Variants in NLRP5 observed in about 807,000 individuals in gnomAD.
NLRP5 encodes the protein NLR family pyrin domain containing 5, also known as NACHT, LRR and PYD domains-containing protein 5.
Under a neutral mutation model 113.1 loss-of-function variants are expected in NLRP5, and 93 were observed. The ratio of observed to expected loss-of-function variants is 0.82; its 90% CI spans 0.70 to 0.98. NLRP5 has a LOEUF of 0.98. Among genes scored for constraint, NLRP5 ranks in the 50% least tolerant of loss-of-function variants. The pLI is 0.00. For missense variants in NLRP5, 1,808 were observed against 1,514.3 expected (o/e 1.19, Z -3.22); for synonymous variants, 751 against 600.7 (o/e 1.25, Z -3.66).
chr19:56,032,922 C>A, intron 8 of NLRP5, 141 bp downstream of exon 8: 1 of 810,198 alleles, frequency 1.2e-6, no homozygotes, highest in Non-Finnish European at 1.9e-6. Context: ...GAACCAAGTT[C>A]CCAAAAGCAC....
chr19:56,012,081 C>T (rs1026486821), intron 3 of NLRP5, among the ~76,000 whole-genome samples: 1 of 152,108 alleles, frequency 6.6e-6, no homozygotes, highest in African/African-American at 2.4e-5. Context: ...TATTATGATG[C>T]TCAAGACATA....
intron 11 of NLRP5, 38 bp from the exon 12 acceptor site, chr19:56,050,380 A>G: frequency 1.4e-5 from 23 of 1,596,158 alleles, no homozygotes; most frequent in Non-Finnish European, 2.0e-5. Context: ...CTGGGGAATG[A>G]GCATCACGAT....
At chr19:56,011,158 A>AAC (rs372922763) in intron 3 of NLRP5, among the ~76,000 whole-genome samples, 1 of 145,124 alleles carries the variant, frequency 6.9e-6, no homozygotes, top group Admixed American at 6.9e-5. Context: ...GTCTTTAAAA[A>AAC]ATATATATAC....
chr19:56,027,562 G>T lies in NLRP5; in HGVS notation c.1329G>T (p.Glu443Asp). ...AACAAAGAATCCACTTGCTCCTTGA[G>T]CGCGGGATTGGTGAGCATCAGAAGA... is the stretch of plus-strand genomic sequence containing the variant. The change falls in exon 7 of 15, where the codon GAG becomes GAT. Residue 443 changes from glutamate (E) to aspartate (D), a missense_variant. Glu to Asp is a conservative substitution (Grantham distance 45). Transcript: ENST00000390649. 6.2e-7 allele frequency: 1 copy of T among 1,614,008 alleles called. No individual in the cohort carries two copies. The highest frequency in any genetic ancestry group is 8.5e-7 in the Non-Finnish European group (1 of 1,179,898).
chr19:56,026,730 C>T (rs1422982823), intron 6 of NLRP5, among the ~76,000 whole-genome samples, 183 bp from the exon 7 acceptor site: 1 of 151,698 alleles, frequency 6.6e-6, no homozygotes, highest in East Asian at 2.0e-4. Context: ...CAGGTGCCAA[C>T]TACCATGACT....
intron 9 of NLRP5, among the ~76,000 whole-genome samples, chr19:56,035,565 T>TTG (rs926651013): frequency 2.4e-4 from 37 of 152,324 alleles, no homozygotes; most frequent in African/African-American, 8.4e-4. Context: ...TGGAGGCTAT[T>TTG]TGGGGCCAAG....
chr19:56,057,084 C>T (rs188073932), intron 13 of NLRP5, among the ~76,000 whole-genome samples: 4,983 of 152,250 alleles, frequency 0.033, 103 homozygotes, highest in African/African-American at 0.054. Flanking sequence ...CGCAGTGAGT[C>T]GAGCTCGTGC....
intron 3 of NLRP5, among the ~76,000 whole-genome samples, chr19:56,014,945 A>G (rs1290698206): frequency 6.6e-6 from 1 of 152,192 alleles, no homozygotes; most frequent in African/African-American, 2.4e-5. Context: ...CAAGCAAAAA[A>G]AGGTAGCTGG....
chr19:56,054,791 T>C (rs1000544826), intron 13 of NLRP5, among the ~76,000 whole-genome samples: 2 of 151,980 alleles, frequency 1.3e-5, no homozygotes, highest in African/African-American at 2.4e-5. Context: ...GGGTTTCCTT[T>C]TACGGTGATG....
chr19:56,027,096 C>T lies in NLRP5; in HGVS notation c.863C>T (p.Ser288Leu). The T allele has an allele frequency of 6.4e-7, 1 of 1,571,644 alleles. No homozygotes were observed. The highest frequency in any genetic ancestry group is 8.6e-7 in the Non-Finnish European group (1 of 1,158,616). Reference sequence around the variant, plus strand: ...CGCACGGTGGTTCTGCACGGAAAGTCAGGAATTGGGAAATCGGCTCTAGCC... The same window carrying T: ...CGCACGGTGGTTCTGCACGGAAAGTTAGGAATTGGGAAATCGGCTCTAGCC... Residue 288 changes from serine (S) to leucine (L), a missense_variant, in exon 7 of 15, where the codon TCA (serine) becomes TTA (leucine). Physicochemically the swap from Ser to Leu is moderately radical, Grantham distance 145. Transcript: ENST00000390649.
chr19:56,001,430 C>T (rs1028400713), intron 1 of NLRP5, among the ~76,000 whole-genome samples: 2 of 105,916 alleles, frequency 1.9e-5, no homozygotes, highest in African/African-American at 6.8e-5. Context: ...TAAATATTTT[C>T]TTCTGACTCT....
intron 2 of NLRP5, among the ~76,000 whole-genome samples, chr19:56,006,380 A>C (rs1479752161): frequency 1.3e-5 from 2 of 152,144 alleles, no homozygotes; most frequent in Non-Finnish European, 2.9e-5. Context: ...CATATGTAAC[A>C]AACCTGCACA....
chr19:56,013,596 G>GTTTTTTTTTTTTTTGTTTTTTT (rs1982288523), intron 3 of NLRP5, among the ~76,000 whole-genome samples: 1 of 59,284 alleles, frequency 1.7e-5, no homozygotes. Flanking sequence ...GGACATTTGG[G>GTTTTTTTTTTTTTTGTTTTTTT]TTTTTTTTTT....
chr19:56,032,701 C>T lies in NLRP5; in HGVS notation c.2367C>T (p.Gly789=). The change falls in exon 8 of 15, where the codon GGC becomes GGT. Residue 789 remains glycine, a synonymous_variant. Transcript: ENST00000390649. ...CACACCTGCGGCAGCTGGACCTGGG[C>T]AGCAGCATCCTGACAGAGCGGGCCA... 1.9e-6 allele frequency: 3 copies of T among 1,613,618 alleles called. No homozygotes were observed. The highest frequency in any genetic ancestry group is 2.5e-6 in the Non-Finnish European group (3 of 1,179,802).
chr19:56,060,585 C>T (rs182609132), intron 14 of NLRP5, among the ~76,000 whole-genome samples: 39 of 152,200 alleles, frequency 2.6e-4, no homozygotes, highest in Admixed American at 7.9e-4. Context: ...CCCTATAACA[C>T]GACCCGGCAC....
chr19:55,999,926 G>A, intron 1 of NLRP5: 1 of 698,970 alleles, frequency 1.4e-6, no homozygotes, highest in Admixed American at 2.1e-5. Context: ...ACTCCCCGGG[G>A]TAGAAAGAAA....
intron 11 of NLRP5, among the ~76,000 whole-genome samples, chr19:56,045,743 G>A (rs964260876): frequency 5.9e-5 from 9 of 152,262 alleles, no homozygotes; most frequent in African/African-American, 2.2e-4. Flanking sequence ...ACCGTTTATT[G>A]CGGGCAGGGG....
intron 9 of NLRP5, among the ~76,000 whole-genome samples, chr19:56,034,604 C>T (rs528944098): frequency 3.9e-5 from 6 of 152,340 alleles, no homozygotes; most frequent in African/African-American, 7.2e-5. Flanking sequence ...TCAGGAGCCA[C>T]GTGTGTCTTC....
rs199475776 is a variant in NLRP5 at position 56,027,650 on chromosome 19, G to A, written c.1417G>A (p.Val473Met). 2.7e-5 allele frequency: 44 copies of A among 1,613,386 alleles called. No individual in the cohort carries two copies. The highest frequency in any genetic ancestry group is 2.1e-4 in the African/African-American group (16 of 75,068). The change falls in exon 7 of 15, where the codon GTG (valine) becomes ATG (methionine). Residue 473 changes from valine to methionine, a missense_variant. Coordinates refer to ENST00000390649, the MANE Select transcript of NLRP5 (RefSeq NM_153447.4). ...GCTCGACCAGTGCCAGGTGCCCGCC[G>A]TGGGCTCTCTCATCTGCGTGGCCCT... is the stretch of plus-strand genomic sequence containing the variant.
Sources: gnomAD v4.1 joint callset for allele counts (sites outside exome capture counted in the v4.1 genomes callset) on GRCh38, gnomAD v4.1.1 for gene constraint, MANE v1.5 for transcripts, NCBI Gene and HGNC (gene_info 2026-07-23, HGNC 2026-07-21) for gene names.